FAM117A: variants seen among roughly 807,000 people sequenced by gnomAD.
FAM117A encodes the protein family with sequence similarity 117 member A.
Under a neutral mutation model 44.1 loss-of-function variants are expected in FAM117A, and 21 were observed. The ratio of observed to expected loss-of-function variants is 0.48; its 90% confidence interval spans 0.34 to 0.69. The LOEUF is 0.69. FAM117A is among the 30% of genes least tolerant of loss of function. FAM117A has a pLI of 0.01. For synonymous variants in FAM117A, 220 were observed against 238.3 expected, an observed-to-expected ratio of 0.92 and a Z score of 0.71; for missense variants, 498 against 589.9, an observed-to-expected ratio of 0.84 and a Z score of 1.61.
chr17:49,771,563 A>G (rs1374047553), intron 1 of FAM117A, among the ~76,000 whole-genome samples: 2 of 152,200 alleles, frequency 1.3e-5, no homozygotes, highest in Non-Finnish European at 2.9e-5. Context: ...TCATCTCTCC[A>G]TAACACCTAG....
intron 1 of FAM117A, among the ~76,000 whole-genome samples, chr17:49,784,103 G>C (rs1179684365): frequency 2.6e-5 from 4 of 152,266 alleles, no homozygotes; most frequent in African/African-American, 9.6e-5. Flanking sequence ...AGCAAACAAT[G>C]AACAACTACA....
rs1343683118 is a variant in FAM117A, at chr17:49,725,065, C to T, written c.367-2471G>A. Among the ~76,000 whole-genome samples the T allele has an allele frequency of 2.0e-5, 3 of 152,170 alleles. No homozygotes were observed. In the East Asian group the frequency reaches 5.8e-4, roughly 29 times the overall value. ...ATTCACCATCTGACCCTTCATCCCA[C>T]GGGCTCTCCATCCTTGGCTCTCTGT... On this transcript the variant is annotated intron_variant, in intron 2 of 7. Transcript: ENST00000240364.
chr17:49,719,597 C>A, intron 5 of FAM117A, 163 bp downstream of exon 5: 1 of 870,084 alleles, frequency 1.1e-6, no homozygotes, highest in Non-Finnish European at 1.7e-6. Context: ...CCATTTGAGA[C>A]TAATAAACTC....
intron 3 of FAM117A, among the ~76,000 whole-genome samples, chr17:49,721,324 T>A (rs924375020): frequency 6.6e-6 from 1 of 152,194 alleles, no homozygotes; most frequent in Non-Finnish European, 1.5e-5. Context: ...TATTTAAATA[T>A]AAGCCTAAAT....
At chr17:49,783,288 G>C (rs1468735296) in intron 1 of FAM117A, among the ~76,000 whole-genome samples, 1 of 152,198 alleles carries the variant, frequency 6.6e-6, no homozygotes, top group Non-Finnish European at 1.5e-5. Context: ...ACAGCTTTGT[G>C]CTCAGATTGA....
chr17:49,784,619 T>C (rs866111600), intron 1 of FAM117A, among the ~76,000 whole-genome samples: 7 of 152,348 alleles, frequency 4.6e-5, no homozygotes, highest in Middle Eastern at 6.8e-3. Context: ...AAAACCCTTA[T>C]ATTGTCCTTG....
chr17:49,721,854 C>G (rs554458027), intron 3 of FAM117A, among the ~76,000 whole-genome samples: 233 of 152,190 alleles, frequency 1.5e-3, no homozygotes, highest in African/African-American at 5.1e-3. Context: ...CTTTGGGATG[C>G]TGAGGCTTGC....
chr17:49,731,033 T>C (rs2073582422), intron 2 of FAM117A, among the ~76,000 whole-genome samples: 1 of 152,200 alleles, frequency 6.6e-6, no homozygotes, highest in African/African-American at 2.4e-5. Flanking sequence ...TATTCTTCAT[T>C]CCAACATGCC....
chr17:49,782,825 T>C (rs760183625), intron 1 of FAM117A, among the ~76,000 whole-genome samples: 15 of 152,170 alleles, frequency 9.9e-5, no homozygotes, highest in Non-Finnish European at 2.1e-4. Context: ...TGAGGGCAGG[T>C]GAAAGTGCTC....
chr17:49,762,576 G>T (rs538372139), intron 1 of FAM117A, among the ~76,000 whole-genome samples: 1 of 152,198 alleles, frequency 6.6e-6, no homozygotes, highest in Non-Finnish European at 1.5e-5. Context: ...CCCTGTAGTA[G>T]CTACTACTTC....
rs1481105750 is a variant in FAM117A at position 49,710,683 on chromosome 17, G to C, written c.*572C>G. On this transcript the variant is annotated 3_prime_UTR_variant, in exon 8 of 8. Transcript: ENST00000240364. ...GCTACTTAAGACAATCTTTAGTCAG[G>C]GTGAAAGCGAGATGAAAATGCCACT... The C allele has an allele frequency of 2.0e-5, 3 of 152,810 alleles. No homozygotes were observed. The highest frequency in any genetic ancestry group is 2.9e-5 in the Non-Finnish European group (2 of 68,232). 9.5% of individuals were successfully genotyped at this position (152,810 alleles called of 1,614,324 possible). A position where few individuals can be genotyped will look rare whatever the true frequency, so the allele number is the denominator to read the frequency against.
intron 5 of FAM117A, among the ~76,000 whole-genome samples, chr17:49,718,498 C>A (rs2073516057): frequency 6.6e-6 from 1 of 151,162 alleles, no homozygotes; most frequent in Admixed American, 6.6e-5. Context: ...GAAACCCCGT[C>A]TCTACTCAAA....
chr17:49,774,169 T>C (rs76285440), intron 1 of FAM117A, among the ~76,000 whole-genome samples: 1 of 152,346 alleles, frequency 6.6e-6, no homozygotes, highest in East Asian at 1.9e-4. Context: ...TGAGATAGTC[T>C]CACTCTCTCT....
chr17:49,719,113 T>G (rs2073520496), intron 5 of FAM117A, among the ~76,000 whole-genome samples: 1 of 150,664 alleles, frequency 6.6e-6, no homozygotes, highest in African/African-American at 2.5e-5. Context: ...AATACAAAAA[T>G]TAGTCAGGCG....
intron 1 of FAM117A, among the ~76,000 whole-genome samples, chr17:49,784,592 C>T (rs1190071641): frequency 6.6e-6 from 1 of 151,554 alleles, no homozygotes; most frequent in African/African-American, 2.5e-5. Context: ...ATTGCACATT[C>T]TGTTTTCTTT....
At chr17:49,738,944 A>G (rs556750047) in intron 1 of FAM117A, among the ~76,000 whole-genome samples, 1 of 152,254 alleles carries the variant, frequency 6.6e-6, no homozygotes, top group African/African-American at 2.4e-5. Flanking sequence ...ACTTCCCCCA[A>G]ATGCAACACA....
chr17:49,770,139 A>G (rs529080442), intron 1 of FAM117A, among the ~76,000 whole-genome samples: 126 of 151,914 alleles, frequency 8.3e-4, no homozygotes, highest in African/African-American at 2.8e-3. Context: ...GTGTGGTGGT[A>G]CGTGCCTATA....
chr17:49,740,317 G>A (rs1017607552), intron 1 of FAM117A, among the ~76,000 whole-genome samples: 1 of 151,256 alleles, frequency 6.6e-6, no homozygotes, highest in Non-Finnish European at 1.5e-5. Flanking sequence ...GCGCGATCTC[G>A]GCGCTCATTG....
upstream of FAM117A, chr17:49,788,828 G>T (rs967244751): frequency 1.3e-6 from 2 of 1,583,362 alleles, no homozygotes; most frequent in East Asian, 2.4e-5. Flanking sequence ...GGCCGCAGCC[G>T]CCGGCAATGC....
Sources: gnomAD v4.1 joint callset for allele counts (sites outside exome capture counted in the v4.1 genomes callset) on GRCh38, gnomAD v4.1.1 for gene constraint, MANE v1.5 for transcripts, NCBI Gene and HGNC (gene_info 2026-07-23, HGNC 2026-07-21) for gene names.